DMD: variants seen among roughly 807,000 people sequenced by gnomAD.
The protein encoded by DMD is mutant dystrophin.
Under a neutral mutation model 330.1 loss-of-function variants are expected in DMD, and 63 were observed. The observed-to-expected ratio is 0.19, with a 90% CI of 0.16 to 0.24. The LOEUF (loss-of-function observed/expected upper bound fraction) is 0.24, where lower values mean the gene tolerates loss of function less well. Among genes scored for constraint, DMD ranks in the 10% least tolerant of loss-of-function variants. DMD has a pLI of 1.00. For synonymous variants in DMD, 1,223 were observed against 959.8 expected, an observed-to-expected ratio of 1.27 and a Z score of -5.07; for missense variants, 3,344 against 2,684.1, an observed-to-expected ratio of 1.25 and a Z score of -5.43.
chrX:31,169,554 T>C lies in DMD; in HGVS notation c.10442A>G (p.Gln3481Arg), dbSNP rs368594777. 5.0e-6 allele frequency: 6 copies of C among 1,204,807 alleles called. No homozygotes were observed. Among genetic ancestry groups the C allele is most frequent in the African/African-American group, 3.5e-5 (2 of 57,125 alleles). ...ACGAGGCTGGCTCAGGGGGGAGTCC[T>C]GGTTCAAACTTTGGCAGTAATGCTG... ...LIQHYCQSLN[Q>R]DSPLSQPRSP... Residue 3481 changes from glutamine to arginine, a missense_variant, in exon 74 of 79, where the codon CAG (glutamine) becomes CGG (arginine). Gln to Arg is a conservative substitution (Grantham distance 43). Transcript: ENST00000357033.
intron 2 of DMD, among the ~76,000 whole-genome samples, chrX:32,981,996 A>C (rs776153303): frequency 1.8e-5 from 2 of 111,874 alleles, no homozygotes; most frequent in Non-Finnish European, 3.8e-5. Context: ...TGAAGAGAAA[A>C]AAGATTTTTC....
intron 13 of DMD, among the ~76,000 whole-genome samples, chrX:32,593,313 G>C (rs1328329217): frequency 8.9e-6 from 1 of 112,432 alleles, no homozygotes; most frequent in Admixed American, 9.3e-5. Flanking sequence ...TCAAAGTTCA[G>C]TCTAAGTCAG....
intron 17 of DMD, among the ~76,000 whole-genome samples, chrX:32,539,188 T>TTTTA (rs556302096): frequency 4.9e-5 from 5 of 102,770 alleles, no homozygotes; most frequent in African/African-American, 1.8e-4. Context: ...TTTTTTTTTT[T>TTTTA]AACAAAAAAT....
intron 11 of DMD, among the ~76,000 whole-genome samples, chrX:32,638,413 TCA>T (rs1312977439): frequency 6.2e-5 from 7 of 112,177 alleles, no homozygotes; most frequent in Admixed American, 4.7e-4. Context: ...TGTCTTAATT[TCA>T]GTTAGATCAG....
rs774156629 is a variant in DMD, at chrX:31,178,021, C to CA, written c.10224-52dup. On this transcript the variant is annotated intron_variant, in intron 70 of 78. Coordinates refer to ENST00000357033, the MANE Select transcript of DMD (RefSeq NM_004006.3). Reference sequence around the variant, plus strand: ...AAGGAGACACACGCAAACTCAGCCGCAAAAAAATTTACTGAAAGGTCAAAA... The same window carrying CA: ...AAGGAGACACACGCAAACTCAGCCGCAAAAAAAATTTACTGAAAGGTCAAAA... 6.3e-5 allele frequency: 72 copies of CA among 1,148,257 alleles called. No individual in the cohort carries two copies. In the East Asian group the frequency reaches 9.0e-4, roughly 14 times the overall value. The allele number at this position is 1,148,257 out of a possible 1,213,427, so 94.6% of individuals were successfully genotyped here. A position where few individuals can be genotyped will look rare whatever the true frequency, so the allele number is the denominator to read the frequency against.
intron 25 of DMD, among the ~76,000 whole-genome samples, chrX:32,455,165 T>C (rs1053710695): frequency 1.8e-5 from 2 of 111,557 alleles, no homozygotes; most frequent in Non-Finnish European, 3.8e-5. Flanking sequence ...AAAGTAATTT[T>C]ATTGGCATAC....
intron 43 of DMD, among the ~76,000 whole-genome samples, chrX:32,269,547 G>A (rs1200953915): frequency 4.5e-5 from 5 of 111,272 alleles, no homozygotes; most frequent in Non-Finnish European, 7.5e-5. Flanking sequence ...CTGAAGACCC[G>A]TATGGATTCA....
At chrX:32,653,424 C>G (rs1417604340) in intron 9 of DMD, among the ~76,000 whole-genome samples, 1 of 111,724 alleles carries the variant, frequency 9.0e-6, no homozygotes, top group East Asian at 2.8e-4. Context: ...AATCCTTTCC[C>G]CATTGCTTGT....
chrX:32,312,393 C>G (rs764234570), intron 41 of DMD, among the ~76,000 whole-genome samples: 1 of 111,029 alleles, frequency 9.0e-6, no homozygotes, highest in Non-Finnish European at 1.9e-5. Context: ...ATTTGAGATG[C>G]TCTCAGCTAT....
At chrX:31,219,939 CTATTA>C (rs1375088567) in intron 64 of DMD, among the ~76,000 whole-genome samples, 1 of 110,755 alleles carries the variant, frequency 9.0e-6, no homozygotes, top group African/African-American at 3.3e-5. Context: ...TGAGATTACA[CTATTA>C]TATATTTTTA....
chrX:31,367,984 G>T (rs2059348005), intron 60 of DMD, among the ~76,000 whole-genome samples: 2 of 112,029 alleles, frequency 1.8e-5, no homozygotes, highest in Admixed American at 1.9e-4. Context: ...AAATATGTCT[G>T]GTGCTTGCAT....
intron 9 of DMD, among the ~76,000 whole-genome samples, chrX:32,667,767 G>GTTTTTTTTTTTTTTTT (rs201162726): frequency 1.2e-5 from 1 of 81,703 alleles, no homozygotes; most frequent in African/African-American, 5.0e-5. Context: ...CTGCTTTTGT[G>GTTTTTTTTTTTTTTTT]TTTTTTTTTT....
chrX:32,384,656 T>C (rs1336345262), intron 33 of DMD, among the ~76,000 whole-genome samples: 1 of 111,024 alleles, frequency 9.0e-6, no homozygotes, highest in African/African-American at 3.3e-5. Flanking sequence ...GCAACTAATA[T>C]CTTGAAGATA....
intron 63 of DMD, among the ~76,000 whole-genome samples, chrX:31,246,654 A>G (rs1347095828): frequency 1.8e-5 from 2 of 112,246 alleles, no homozygotes; most frequent in African/African-American, 3.2e-5. Context: ...CAGGCCGGGC[A>G]CAGTGGCTCA....
At chrX:32,239,918 A>G (rs2097201741) in intron 43 of DMD, among the ~76,000 whole-genome samples, 1 of 112,118 alleles carries the variant, frequency 8.9e-6, no homozygotes, top group Non-Finnish European at 1.9e-5. Context: ...TTTTATAGCT[A>G]TCTTTAAAAA....
chrX:32,984,365 C>T (rs2092789094), intron 2 of DMD, among the ~76,000 whole-genome samples: 1 of 112,386 alleles, frequency 8.9e-6, no homozygotes, highest in South Asian at 3.7e-4. Flanking sequence ...AGCGATTCTC[C>T]TGCCTCAGCC....
At chrX:33,163,552 G>A (rs868601202) in intron 1 of DMD, among the ~76,000 whole-genome samples, 2 of 91,022 alleles carry the variant, frequency 2.2e-5, no homozygotes, top group African/African-American at 4.2e-5. Context: ...ATATATGTGT[G>A]TATATATATA....
intron 76 of DMD, among the ~76,000 whole-genome samples, chrX:31,134,509 G>A (rs912375345): frequency 9.6e-6 from 1 of 104,457 alleles, no homozygotes; most frequent in Non-Finnish European, 1.9e-5. Flanking sequence ...TGCAACCTCC[G>A]CCTCCCAGGT....
chrX:31,890,721 T>C lies in DMD; in HGVS notation c.6913-15348A>G, dbSNP rs186408424. On this transcript the variant is annotated intron_variant, in intron 47 of 78. Coordinates refer to ENST00000357033, the MANE Select transcript of DMD (RefSeq NM_004006.3). Reference sequence around the variant, plus strand: ...TAGTTTCAATAATATGACCATGAATTGCTGGTTTTAATTTCAATATTTTCT... The same window carrying C: ...TAGTTTCAATAATATGACCATGAATCGCTGGTTTTAATTTCAATATTTTCT... Among the ~76,000 whole-genome samples, 758 of 111,660 alleles carry C rather than the reference T, an allele frequency of 6.8e-3. 7 individuals are homozygous for C. Among genetic ancestry groups the C allele is most frequent in the Middle Eastern group, 0.019 (4 of 216 alleles).
Sources: gnomAD v4.1 joint callset for allele counts (sites outside exome capture counted in the v4.1 genomes callset) on GRCh38, gnomAD v4.1.1 for gene constraint, MANE v1.5 for transcripts, NCBI Gene and HGNC (gene_info 2026-07-23, HGNC 2026-07-21) for gene names.